Variants in CCSER1 observed in about 807,000 individuals in gnomAD.
The protein encoded by CCSER1 is serine-rich coiled-coil domain-containing protein 1.
CCSER1 carries 41 observed loss-of-function variants against 82.0 expected under a neutral mutation model. That is an observed-to-expected ratio of 0.50 (90% CI 0.39 to 0.65). The LOEUF is 0.65. Ranked by LOEUF, CCSER1 falls within the 30% of genes least tolerant of loss-of-function variation. The pLI, the probability that CCSER1 is intolerant of heterozygous loss-of-function variation, is 0.00. For missense variants in CCSER1, 1,119 were observed against 1,064.2 expected (o/e 1.05, Z -0.72); for synonymous variants, 414 against 383.9 (o/e 1.08, Z -0.92).
intron 6 of CCSER1, among the ~76,000 whole-genome samples, chr4:90,672,626 T>C (rs1165999683): frequency 6.6e-6 from 1 of 152,032 alleles, no homozygotes; most frequent in Non-Finnish European, 1.5e-5. Context: ...TTTCTTTGCT[T>C]TCACAACTTG....
rs545309000 is a variant in CCSER1 at position 90,946,798 on chromosome 4, C to T, written c.2172+23351C>T. On this transcript the variant is annotated intron_variant, in intron 9 of 10. Transcript: ENST00000509176. ...CCACTATACTGTATCCAAACCTCAC[C>T]CATAGCACAGAATAAACTATATCCA... 2.6e-5 allele frequency among the ~76,000 whole-genome samples: 4 copies of T among 152,218 alleles called. No individual in the cohort carries two copies. In the East Asian group the frequency reaches 7.7e-4, roughly 29 times the overall value.
At chr4:90,277,604 G>A (rs1222927435) in intron 1 of CCSER1, among the ~76,000 whole-genome samples, 1 of 152,102 alleles carries the variant, frequency 6.6e-6, no homozygotes, top group East Asian at 1.9e-4. Context: ...AATAAATGGT[G>A]CTGGGATAAA....
intron 6 of CCSER1, among the ~76,000 whole-genome samples, chr4:90,722,002 A>G (rs1381023553): frequency 6.6e-6 from 1 of 151,788 alleles, no homozygotes; most frequent in Non-Finnish European, 1.5e-5. Context: ...AATCAGTGTT[A>G]CATAATGTAA....
chr4:91,201,567 A>C (rs139947277), intron 10 of CCSER1, among the ~76,000 whole-genome samples: 1 of 152,202 alleles, frequency 6.6e-6, no homozygotes, highest in Non-Finnish European at 1.5e-5. Flanking sequence ...ATCTTGGAGT[A>C]CAATAAATAC....
chr4:90,536,293 C>CA (rs1201062887), intron 5 of CCSER1, among the ~76,000 whole-genome samples: 1 of 152,150 alleles, frequency 6.6e-6, no homozygotes, highest in Non-Finnish European at 1.5e-5. Context: ...CTCGGCCTCC[C>CA]AAAATGTTGG....
intron 10 of CCSER1, among the ~76,000 whole-genome samples, chr4:91,147,505 T>G (rs1172477453): frequency 1.3e-5 from 2 of 152,202 alleles, no homozygotes; most frequent in Admixed American, 1.3e-4. Flanking sequence ...TGCCAGCACA[T>G]GAACCCACTC....
chr4:90,507,635 G>T (rs1770899605), intron 5 of CCSER1, among the ~76,000 whole-genome samples: 1 of 151,912 alleles, frequency 6.6e-6, no homozygotes, highest in African/African-American at 2.4e-5. Flanking sequence ...TATTCAGTAT[G>T]GAATATTGGA....
intron 9 of CCSER1, among the ~76,000 whole-genome samples, chr4:90,974,550 A>C (rs933714620): frequency 6.6e-6 from 1 of 151,374 alleles, no homozygotes; most frequent in Non-Finnish European, 1.5e-5. Flanking sequence ...ACTCATATTC[A>C]AAATACATAA....
At chr4:90,890,496 C>T (rs1261953371) in intron 8 of CCSER1, among the ~76,000 whole-genome samples, 2 of 152,150 alleles carry the variant, frequency 1.3e-5, no homozygotes, top group Non-Finnish European at 2.9e-5. Context: ...CTGTCCTTAG[C>T]TTTAGGAAAC....
chr4:90,942,113 C>A (rs1225281813), intron 9 of CCSER1, among the ~76,000 whole-genome samples: 1 of 151,996 alleles, frequency 6.6e-6, no homozygotes, highest in East Asian at 1.9e-4. Context: ...ATACTCAGCT[C>A]ATTTTTTTGT....
chr4:90,574,660 G>C (rs1180203510), intron 5 of CCSER1, among the ~76,000 whole-genome samples: 1 of 151,288 alleles, frequency 6.6e-6, no homozygotes, highest in Non-Finnish European at 1.5e-5. Flanking sequence ...CTGTGTACCA[G>C]AACTCAGCAC....
rs1233601128 is a variant in CCSER1, at chr4:90,308,315, C to G, written c.31C>G (p.Leu11Val). 1 of 1,597,938 alleles carries G rather than the reference C, an allele frequency of 6.3e-7. No homozygotes were observed. Among genetic ancestry groups the G allele is most frequent in the East Asian group, 2.3e-5 (1 of 44,374 alleles). Residue 11 changes from leucine (L) to valine (V), a missense_variant, in exon 2 of 11, where the codon CTG becomes GTG. Coordinates refer to ENST00000509176, the MANE Select transcript of CCSER1 (RefSeq NM_001145065.2). ...GGACTCAGGATCAAGACGATCTACCCTGGTCTCCCGGTTGCCAATATTCAG... is the reference window on the plus strand; with the variant it reads ...GGACTCAGGATCAAGACGATCTACCGTGGTCTCCCGGTTGCCAATATTCAG... MGDSGSRRSTLVSRLPIFRRS... is the reference protein window; with the variant it reads MGDSGSRRSTVVSRLPIFRRS...
At chr4:90,748,996 A>G (rs1371742295) in intron 7 of CCSER1, among the ~76,000 whole-genome samples, 23 of 149,550 alleles carry the variant, frequency 1.5e-4, no homozygotes, top group Admixed American at 6.6e-4. Context: ...TTGCCTGTTC[A>G]CTCTGATGGT....
chr4:90,702,112 G>C (rs1239337584), intron 6 of CCSER1, among the ~76,000 whole-genome samples: 2 of 152,090 alleles, frequency 1.3e-5, no homozygotes, highest in East Asian at 1.9e-4. Flanking sequence ...CTGTGGGTTT[G>C]TCATAAATAG....
At chr4:90,167,962 T>C (rs1377535618) in intron 1 of CCSER1, among the ~76,000 whole-genome samples, 2 of 152,172 alleles carry the variant, frequency 1.3e-5, no homozygotes, top group Admixed American at 6.5e-5. Flanking sequence ...TATAGCAGCA[T>C]GATTTATAAT....
chr4:90,508,539 C>A (rs1172960725), intron 5 of CCSER1, among the ~76,000 whole-genome samples: 1 of 152,000 alleles, frequency 6.6e-6, no homozygotes, highest in African/African-American at 2.4e-5. Context: ...GGCCTAACCT[C>A]CCTCAAGAAA....
At position 90,928,286 on chromosome 4, in the gene CCSER1, A is replaced by G. The variant is rs1224978432; in HGVS notation, c.2172+4839A>G. Among the ~76,000 whole-genome samples, 5 of 151,728 alleles carry G rather than the reference A, an allele frequency of 3.3e-5. No homozygotes were observed. In the East Asian group the frequency reaches 9.6e-4, roughly 29 times the overall value. ...TGTTTAAAAACATCTATCATGTTTA[A>G]AAACATGATTATCTGCCACGGGTGC... On this transcript the variant is annotated intron_variant, in intron 9 of 10. Coordinates refer to ENST00000509176, the MANE Select transcript of CCSER1 (RefSeq NM_001145065.2).
chr4:90,581,821 A>G (rs1253122985), intron 5 of CCSER1, among the ~76,000 whole-genome samples: 1 of 152,122 alleles, frequency 6.6e-6, no homozygotes, highest in Non-Finnish European at 1.5e-5. Flanking sequence ...ATGGATTTAG[A>G]CAAAAAAATA....
At chr4:90,181,505 C>T (rs1012227992) in intron 1 of CCSER1, among the ~76,000 whole-genome samples, 1 of 151,512 alleles carries the variant, frequency 6.6e-6, no homozygotes, top group Non-Finnish European at 1.5e-5. Context: ...CAAGAGAGGA[C>T]AATGGAAGGA....
Sources: gnomAD v4.1 joint callset for allele counts (sites outside exome capture counted in the v4.1 genomes callset) on GRCh38, gnomAD v4.1.1 for gene constraint, MANE v1.5 for transcripts, NCBI Gene and HGNC (gene_info 2026-07-23, HGNC 2026-07-21) for gene names.